The following HS3ST5 variants were observed in gnomAD, a reference collection of about 807,000 sequenced individuals.
HS3ST5 encodes the protein heparan sulfate glucosamine 3-O-sulfotransferase 5.
In HS3ST5, 10 loss-of-function variants were observed where a neutral mutation model predicts 25.4. That is an observed-to-expected ratio of 0.39 (90% confidence interval 0.24 to 0.67). HS3ST5 has a LOEUF of 0.67. Ranked by LOEUF, HS3ST5 falls within the 30% of genes least tolerant of loss-of-function variation. HS3ST5 has a pLI of 0.44. For synonymous variants in HS3ST5, 170 were observed against 162.4 expected, an observed-to-expected ratio of 1.05 and a Z score of -0.36; for missense variants, 324 against 420.7, an observed-to-expected ratio of 0.77 and a Z score of 2.01.
intron 1 of HS3ST5, among the ~76,000 whole-genome samples, chr6:114,252,494 A>T (rs1206881636): frequency 2.0e-5 from 3 of 152,252 alleles, no homozygotes; most frequent in Non-Finnish European, 4.4e-5. Context: ...AGGGGGAATG[A>T]GCAAAAGTTC....
intron 1 of HS3ST5, among the ~76,000 whole-genome samples, chr6:114,236,461 T>C (rs1367767166): frequency 6.6e-6 from 1 of 152,240 alleles, no homozygotes; most frequent in East Asian, 1.9e-4. Flanking sequence ...GTTTCTTCTT[T>C]ACTCCCAACT....
intron 3 of HS3ST5, among the ~76,000 whole-genome samples, chr6:114,066,173 A>G (rs1394207993): frequency 1.3e-5 from 2 of 152,192 alleles, no homozygotes; most frequent in Non-Finnish European, 2.9e-5. Context: ...CAATGGGGCA[A>G]TGGGCTAAAC....
intron 1 of HS3ST5, among the ~76,000 whole-genome samples, chr6:114,300,902 G>C (rs1397474766): frequency 6.6e-6 from 1 of 152,268 alleles, no homozygotes; most frequent in Admixed American, 6.5e-5. Flanking sequence ...AGTCACAAAA[G>C]ACCACATATT....
intron 1 of HS3ST5, among the ~76,000 whole-genome samples, chr6:114,336,029 A>C (rs1315861586): frequency 6.6e-6 from 1 of 152,200 alleles, no homozygotes; most frequent in Non-Finnish European, 1.5e-5. Context: ...TTAAGTCTTA[A>C]AACACATAAT....
intron 2 of HS3ST5, among the ~76,000 whole-genome samples, chr6:114,198,276 G>A (rs1452454533): frequency 2.0e-5 from 3 of 152,114 alleles, no homozygotes. Flanking sequence ...AAGCCTTTGA[G>A]ATATATGGGA....
In HS3ST5 at chr6:114,057,515, T is replaced by C; in HGVS notation, c.783A>G (p.Glu261=). ...HVVDGDRLIT[E]PLPELQLVEK... is the part of the protein sequence containing the mutation. ...CCACGAGCTGAAGTTCTGGCAGAGG[T>C]TCCGTGATGAGGCGATCTCCATCGA... Residue 261 remains glutamate (E), a synonymous_variant, in exon 5 of 5, where the codon GAA becomes GAG. Coordinates refer to ENST00000312719, the MANE Select transcript of HS3ST5 (RefSeq NM_153612.4). 1 of 1,614,088 alleles carries C rather than the reference T, an allele frequency of 6.2e-7. No individual in the cohort carries two copies. The highest frequency in any genetic ancestry group is 8.5e-7 in the Non-Finnish European group (1 of 1,180,006).
intron 3 of HS3ST5, among the ~76,000 whole-genome samples, chr6:114,160,531 A>G (rs1394530485): frequency 1.3e-5 from 2 of 152,150 alleles, no homozygotes; most frequent in Non-Finnish European, 2.9e-5. Context: ...AAGTAACTAT[A>G]TATTAAATCA....
At chr6:114,122,610 A>G (rs80348031) in intron 3 of HS3ST5, among the ~76,000 whole-genome samples, 8,806 of 152,260 alleles carry the variant, frequency 0.058, 312 homozygotes, top group Non-Finnish European at 0.08. Context: ...TTGTTAATTC[A>G]AGATTGGAAG....
At chr6:114,201,635 G>A (rs1005984476) in intron 2 of HS3ST5, among the ~76,000 whole-genome samples, 3 of 152,030 alleles carry the variant, frequency 2.0e-5, no homozygotes, top group Non-Finnish European at 4.4e-5. Flanking sequence ...TTGCCTAAAC[G>A]TCAGCTTCTC....
In HS3ST5 at chr6:114,056,569, C is replaced by A. The variant is rs1012395551; in HGVS notation, c.*688G>T. On this transcript the variant is annotated 3_prime_UTR_variant, in exon 5 of 5. Transcript: ENST00000312719. ...CAAAATAGAATTACTTAGTGTGAAA[C>A]CAGTATTTACAACAATATACATTAT... 1 of 152,008 alleles carries A rather than the reference C, an allele frequency of 6.6e-6. No individual in the cohort carries two copies. The highest frequency in any genetic ancestry group is 1.9e-4 in the East Asian group (1 of 5,198). The allele number at this position is 152,008 out of a possible 1,614,324, so 9.4% of individuals were successfully genotyped here.
At chr6:114,207,278 AT>A (rs997101519) in intron 2 of HS3ST5, among the ~76,000 whole-genome samples, 7 of 152,098 alleles carry the variant, frequency 4.6e-5, no homozygotes, top group African/African-American at 1.7e-4. Flanking sequence ...CCTTCCAAAT[AT>A]TTTCTTAATA....
At chr6:114,060,379 T>C (rs1399475023) in intron 4 of HS3ST5, among the ~76,000 whole-genome samples, 2 of 152,224 alleles carry the variant, frequency 1.3e-5, no homozygotes, top group African/African-American at 4.8e-5. Context: ...TTTGTTTTTA[T>C]AAATTTGTTA....
chr6:114,290,374 A>G (rs1774520522), intron 1 of HS3ST5, among the ~76,000 whole-genome samples: 1 of 152,168 alleles, frequency 6.6e-6, no homozygotes, highest in African/African-American at 2.4e-5. Flanking sequence ...ATAAACCATT[A>G]GGTTTAAATG....
chr6:114,209,558 C>A (rs1325486024), intron 2 of HS3ST5, among the ~76,000 whole-genome samples: 3 of 152,046 alleles, frequency 2.0e-5, no homozygotes, highest in Non-Finnish European at 4.4e-5. Context: ...TATTCAAATT[C>A]TGGATGCTTA....
At chr6:114,084,667 C>T in intron 3 of HS3ST5, 1 of 1,188,758 alleles carries the variant, frequency 8.4e-7, no homozygotes, top group Non-Finnish European at 1.2e-6. Context: ...GATGGTCAGC[C>T]CTGGGGTCAG....
At chr6:114,295,164 C>T (rs1774761802) in intron 1 of HS3ST5, among the ~76,000 whole-genome samples, 1 of 151,992 alleles carries the variant, frequency 6.6e-6, no homozygotes, top group African/African-American at 2.4e-5. Flanking sequence ...TTGTTATGTA[C>T]TCACACACAT....
At chr6:114,269,145 A>G (rs1378295562) in intron 1 of HS3ST5, among the ~76,000 whole-genome samples, 2 of 152,224 alleles carry the variant, frequency 1.3e-5, no homozygotes, top group Non-Finnish European at 2.9e-5. Context: ...CTATGTGTCA[A>G]GCACGGTATT....
intron 1 of HS3ST5, among the ~76,000 whole-genome samples, chr6:114,311,973 A>G (rs974767740): frequency 6.6e-6 from 1 of 152,212 alleles, no homozygotes; most frequent in Non-Finnish European, 1.5e-5. Context: ...TATTTTAACT[A>G]CCAACTAAGT....
At chr6:114,156,434 T>C (rs2114972207) in intron 3 of HS3ST5, among the ~76,000 whole-genome samples, 1 of 152,354 alleles carries the variant, frequency 6.6e-6, no homozygotes, top group Admixed American at 6.5e-5. Flanking sequence ...GGTATGTATT[T>C]TGTAGTTGTG....
Sources: gnomAD v4.1 joint callset for allele counts (sites outside exome capture counted in the v4.1 genomes callset) on GRCh38, gnomAD v4.1.1 for gene constraint, MANE v1.5 for transcripts, NCBI Gene and HGNC (gene_info 2026-07-23, HGNC 2026-07-21) for gene names.